The following GPD2 variants were observed in gnomAD, a reference collection of about 807,000 sequenced individuals.
GPD2 encodes glycerol-3-phosphate dehydrogenase 2.
GPD2 carries 54 observed loss-of-function variants against 82.4 expected under a neutral mutation model. The ratio of observed to expected loss-of-function variants is 0.66; its 90% CI spans 0.53 to 0.82. GPD2 has a LOEUF of 0.82. Among genes scored for constraint, GPD2 ranks in the 40% least tolerant of loss-of-function variants. The pLI is 0.00. For missense variants in GPD2, 748 were observed against 896.2 expected, an observed-to-expected ratio of 0.83 and a Z score of 2.11; for synonymous variants, 288 against 306.1, an observed-to-expected ratio of 0.94 and a Z score of 0.62.
chr2:156,528,102 T>G (rs904031588), intron 6 of GPD2, among the ~76,000 whole-genome samples: 2 of 152,152 alleles, frequency 1.3e-5, no homozygotes, highest in Admixed American at 1.3e-4. Context: ...ACTACTCTCA[T>G]TCTAATAAAA....
intron 6 of GPD2, 136 bp downstream of exon 6, chr2:156,513,632 C>A: frequency 1.4e-6 from 1 of 709,594 alleles, no homozygotes. Context: ...CGTGCACGCA[C>A]ATATTCACCA....
chr2:156,534,413 A>G (rs1685986681), intron 6 of GPD2, among the ~76,000 whole-genome samples: 1 of 152,206 alleles, frequency 6.6e-6, no homozygotes, highest in Non-Finnish European at 1.5e-5. Flanking sequence ...GCCTGTTCCC[A>G]TTTAGGGCCA....
the GPD2 span, among the ~76,000 whole-genome samples, chr2:156,400,829 C>A: frequency 1.3e-5 from 2 of 152,190 alleles, no homozygotes; most frequent in South Asian, 4.1e-4. Flanking sequence ...GGTTCAATCC[C>A]CGGCATCTCC....
At chr2:156,428,775 G>GT in the GPD2 span, among the ~76,000 whole-genome samples, 1 of 152,100 alleles carries the variant, frequency 6.6e-6, no homozygotes, top group Non-Finnish European at 1.5e-5. Context: ...ACTTTAATTT[G>GT]TAACTGAAGG....
chr2:156,562,527 A>C, intron 9 of GPD2, among the ~76,000 whole-genome samples: 1 of 152,034 alleles, frequency 6.6e-6, no homozygotes, highest in East Asian at 1.9e-4. Context: ...GTTCATTTAG[A>C]TATTTTCACA....
chr2:156,461,865 T>C (rs1273916372), intron 1 of GPD2, among the ~76,000 whole-genome samples: 1 of 152,250 alleles, frequency 6.6e-6, no homozygotes, highest in Non-Finnish European at 1.5e-5. Flanking sequence ...TCAATCCCAG[T>C]TGAATGTATG....
chr2:156,403,636 T>C, the GPD2 span, among the ~76,000 whole-genome samples: 2 of 151,816 alleles, frequency 1.3e-5, no homozygotes, highest in Admixed American at 6.6e-5. Context: ...TGTGTGTGTG[T>C]GCGCCTGCAT....
chr2:156,462,629 T>C (rs1453884689), intron 1 of GPD2, among the ~76,000 whole-genome samples: 2 of 152,012 alleles, frequency 1.3e-5, no homozygotes, highest in East Asian at 3.9e-4. Context: ...TGTAAGAGGC[T>C]GGGGTAGTTT....
At chr2:156,569,587 GCT>G in intron 11 of GPD2, 49 bp downstream of exon 11, 4 of 1,396,842 alleles carry the variant, frequency 2.9e-6, no homozygotes, top group Non-Finnish European at 4.1e-6. Flanking sequence ...ATCTCTCACT[GCT>G]GCCAGTGACA....
chr2:156,442,774 G>A (rs1682220746), intron 1 of GPD2, among the ~76,000 whole-genome samples: 1 of 151,972 alleles, frequency 6.6e-6, no homozygotes, highest in Non-Finnish European at 1.5e-5. Context: ...ACTCCAGCTT[G>A]GGCAACAGAG....
the GPD2 span, among the ~76,000 whole-genome samples, chr2:156,400,416 C>CTGCGCA: frequency 6.6e-6 from 1 of 152,196 alleles, no homozygotes; most frequent in African/African-American, 2.4e-5. Flanking sequence ...TCTGCGCTGC[C>CTGCGCA]TGCGCAATAA....
At chr2:156,416,514 GTTTTT>G in the GPD2 span, among the ~76,000 whole-genome samples, 8 of 117,944 alleles carry the variant, frequency 6.8e-5, no homozygotes, top group East Asian at 7.5e-4. Flanking sequence ...TGCCCAGCTA[GTTTTT>G]TTTTTTTTTT....
intron 3 of GPD2, among the ~76,000 whole-genome samples, chr2:156,503,193 G>A (rs926431568): frequency 6.6e-6 from 1 of 152,146 alleles, no homozygotes; most frequent in Admixed American, 6.6e-5. Flanking sequence ...CCTTGCACAA[G>A]AGGCAGAGAC....
chr2:156,474,000 C>T (rs1683420777), intron 1 of GPD2, among the ~76,000 whole-genome samples: 1 of 152,162 alleles, frequency 6.6e-6, no homozygotes, highest in Admixed American at 6.5e-5. Flanking sequence ...CAGCAGAGTA[C>T]ATATGCTTGT....
At position 156,549,770 on chromosome 2, in the gene GPD2, C is replaced by T; in HGVS notation, c.824C>T (p.Thr275Ile). 6.2e-7 allele frequency: 1 copy of T among 1,608,014 alleles called. No individual in the cohort carries two copies. Among genetic ancestry groups the T allele is most frequent in the Non-Finnish European group, 8.5e-7 (1 of 1,174,542 alleles). ...GGCGCACGGTGCAAGGATGTCCTCACAGGTATGCCAGGTATCTGGGAGGGA... is the reference window on the plus strand; with the variant it reads ...GGCGCACGGTGCAAGGATGTCCTCATAGGTATGCCAGGTATCTGGGAGGGA... ...VSGARCKDVL[T>I]GQEFDVRAKC... The change falls in exon 7 of 17, where the codon ACA (threonine) becomes ATA (isoleucine). Residue 275 changes from threonine (T) to isoleucine (I), a missense_variant and splice_region_variant. Around this residue, in one of 3 missense-constraint regions of GPD2, gnomAD observed 692 missense variants for 809.7 expected, o/e 0.85. Transcript: ENST00000438166.
At chr2:156,400,902 C>G in the GPD2 span, among the ~76,000 whole-genome samples, 1 of 152,118 alleles carries the variant, frequency 6.6e-6, no homozygotes, top group Non-Finnish European at 1.5e-5. Context: ...AACACTTACC[C>G]CATTACTTGT....
chr2:156,427,883 G>T, the GPD2 span, among the ~76,000 whole-genome samples: 1 of 152,264 alleles, frequency 6.6e-6, no homozygotes, highest in African/African-American at 2.4e-5. Flanking sequence ...GTTTCTGGTG[G>T]CTGCAGACCT....
At chr2:156,552,113 A>G (rs1452929951) in intron 8 of GPD2, among the ~76,000 whole-genome samples, 3 of 152,212 alleles carry the variant, frequency 2.0e-5, no homozygotes, top group Non-Finnish European at 4.4e-5. Context: ...GGTACCAGAT[A>G]CACTTCTGAG....
chr2:156,567,513 G>A (rs1028335323), intron 9 of GPD2, among the ~76,000 whole-genome samples: 2 of 152,068 alleles, frequency 1.3e-5, no homozygotes, highest in African/African-American at 4.8e-5. Flanking sequence ...TGAAGAAGGA[G>A]GGCACACATG....
Sources: gnomAD v4.1 joint callset for allele counts (sites outside exome capture counted in the v4.1 genomes callset) on GRCh38, gnomAD v4.1.1 for gene constraint, gnomAD v4.1.1 regional missense constraint, MANE v1.5 for transcripts, NCBI Gene and HGNC (gene_info 2026-07-23, HGNC 2026-07-21) for gene names.